The following EXT2 variants were observed in gnomAD, a reference collection of about 807,000 sequenced individuals.
EXT2 encodes exostosin glycosyltransferase 2.
A neutral mutation model predicts 81.6 loss-of-function variants in EXT2; 53 were observed. That is an observed-to-expected ratio of 0.65 (90% CI 0.52 to 0.82). The LOEUF is 0.82. EXT2 is among the 40% of genes least tolerant of loss of function. The pLI, the probability that EXT2 is intolerant of heterozygous loss-of-function variation, is 0.00. For missense variants in EXT2, 774 were observed against 910.2 expected (o/e 0.85, Z 1.93); for synonymous variants, 320 against 340.0 (o/e 0.94, Z 0.65).
chr11:44,234,053 T>C, intron 11 of EXT2, 62 bp from the exon 12 acceptor site: 1 of 1,611,944 alleles, frequency 6.2e-7, no homozygotes, highest in Non-Finnish European at 8.5e-7. Flanking sequence ...TGCTGCCCCT[T>C]ATTTATCAGC....
chr11:44,125,015 C>T (rs1318213440), intron 5 of EXT2, 31 bp downstream of exon 5: 1 of 1,606,134 alleles, frequency 6.2e-7, no homozygotes, highest in Non-Finnish European at 8.5e-7. Context: ...CTCGCAAAGG[C>T]TCAGGAGAGT....
chr11:44,124,956 A>G lies in EXT2; in HGVS notation c.911A>G (p.Gln304Arg). The change falls in exon 5 of 14, where the codon CAG becomes CGG. Residue 304 changes from glutamine to arginine, a missense_variant. Gln to Arg is a conservative substitution (Grantham distance 43). Transcript: ENST00000533608. ...LSVRKRCHKH[Q>R]VFDYPQVLQE... is the part of the protein sequence containing the mutation. ...GTCCGTAAGCGCTGCCACAAGCACC[A>G]GGTCTTCGATTACCCACAGGTGCTA... 1 of 1,613,430 alleles carries G rather than the reference A, an allele frequency of 6.2e-7. No individual in the cohort carries two copies. The highest frequency in any genetic ancestry group is 8.5e-7 in the Non-Finnish European group (1 of 1,180,024).
intron 2 of EXT2, 136 bp downstream of exon 2, chr11:44,108,384 G>A: frequency 1.1e-6 from 1 of 951,142 alleles, no homozygotes; most frequent in South Asian, 1.4e-5. Context: ...GACGGGGTGT[G>A]TTGGAGGGAC....
At chr11:44,236,779 A>G (rs1248155006) in intron 13 of EXT2, among the ~76,000 whole-genome samples, 3 of 152,176 alleles carry the variant, frequency 2.0e-5, no homozygotes, top group Non-Finnish European at 4.4e-5. Flanking sequence ...ACCAGAGACA[A>G]ATTACCTTTG....
Position 44,245,705 on chromosome 11 carries a change from A to G in EXT2, c.*1418A>G, listed in dbSNP as rs1383891082. ...AGTGACATGAAGGTGGGCAGTTATT[A>G]TGCTGTAGTTTCATCAAGAGTCACT... On this transcript the variant is annotated 3_prime_UTR_variant, in exon 14 of 14. Coordinates refer to ENST00000533608, the MANE Select transcript of EXT2 (RefSeq NM_207122.2). Among the ~76,000 whole-genome samples the G allele has an allele frequency of 6.6e-6, 1 of 152,250 alleles. No individual in the cohort carries two copies. The highest frequency in any genetic ancestry group is 1.5e-5 in the Non-Finnish European group (1 of 68,040).
chr11:44,174,746 T>C (rs77972884), intron 8 of EXT2, among the ~76,000 whole-genome samples: 154 of 152,334 alleles, frequency 1.0e-3, no homozygotes, highest in Non-Finnish European at 1.7e-3. Flanking sequence ...TGGCTAGTAC[T>C]TCCAGAACAA....
At chr11:44,143,919 G>A (rs981542205) in intron 7 of EXT2, among the ~76,000 whole-genome samples, 1 of 152,264 alleles carries the variant, frequency 6.6e-6, no homozygotes, top group South Asian at 2.1e-4. Context: ...AGAACGTCAC[G>A]CTAACATGGC....
chr11:44,121,513 T>C (rs1954315820), intron 4 of EXT2, among the ~76,000 whole-genome samples: 2 of 152,084 alleles, frequency 1.3e-5, no homozygotes, highest in South Asian at 4.1e-4. Flanking sequence ...TGGCTCTCTT[T>C]ATCCTCAACA....
chr11:44,129,810 G>A (rs1237023817), intron 6 of EXT2, among the ~76,000 whole-genome samples: 11 of 152,134 alleles, frequency 7.2e-5, no homozygotes, highest in Non-Finnish European at 5.9e-5. Flanking sequence ...GAGGCAGGGT[G>A]AAAGATTAAT....
At chr11:44,131,862 C>T (rs950923683) in intron 7 of EXT2, among the ~76,000 whole-genome samples, 10 of 152,144 alleles carry the variant, frequency 6.6e-5, no homozygotes, top group South Asian at 6.2e-4. Flanking sequence ...CTTAGCCTCC[C>T]GAGTAGCTGG....
At chr11:44,206,525 G>A (rs542784239) in intron 9 of EXT2, among the ~76,000 whole-genome samples, 1 of 152,112 alleles carries the variant, frequency 6.6e-6, no homozygotes, top group Non-Finnish European at 1.5e-5. Context: ...AGAATTAGTA[G>A]TGTTACAAGG....
intron 2 of EXT2, 38 bp downstream of exon 2, chr11:44,108,286 C>G (rs952131814): frequency 1.9e-6 from 3 of 1,598,004 alleles, no homozygotes; most frequent in Admixed American, 1.7e-5. Flanking sequence ...CCAGGAGATA[C>G]TTGAGTGGCC....
At chr11:44,241,740 G>T (rs1590673878) in intron 13 of EXT2, among the ~76,000 whole-genome samples, 1 of 152,346 alleles carries the variant, frequency 6.6e-6, no homozygotes, top group Middle Eastern at 3.4e-3. Flanking sequence ...CAACACAGGA[G>T]AATGGTTACT....
chr11:44,185,522 G>T (rs1955299059), intron 8 of EXT2, among the ~76,000 whole-genome samples: 1 of 151,966 alleles, frequency 6.6e-6, no homozygotes, highest in Admixed American at 6.5e-5. Flanking sequence ...GTGGGTTCAT[G>T]CCTTTTTTTC....
chr11:44,160,192 T>G, intron 7 of EXT2, among the ~76,000 whole-genome samples: 1 of 152,194 alleles, frequency 6.6e-6, no homozygotes, highest in Non-Finnish European at 1.5e-5. Flanking sequence ...GTTTTTAAAC[T>G]CTCAGACTTG....
intron 10 of EXT2, among the ~76,000 whole-genome samples, chr11:44,207,380 G>C (rs959343473): frequency 6.6e-6 from 1 of 152,244 alleles, no homozygotes; most frequent in African/African-American, 2.4e-5. Context: ...CTTTCTTTCT[G>C]AGTTTTAAGT....
intron 1 of EXT2, among the ~76,000 whole-genome samples, chr11:44,096,480 C>A (rs780312380): frequency 4.0e-5 from 6 of 151,294 alleles, no homozygotes; most frequent in Admixed American, 6.6e-5. Flanking sequence ...TGGCTGGGGG[C>A]GTGTTAGGCA....
rs1954374352 is a variant in EXT2, at chr11:44,124,831, T to C, written c.786T>C (p.His262=). 5 of 1,614,100 alleles carry C rather than the reference T, an allele frequency of 3.1e-6. No individual in the cohort carries two copies. The East Asian group carries it at 1.1e-4, about 36-fold the overall frequency. The change falls in exon 5 of 14, where the codon CAT becomes CAC. Residue 262 remains histidine, a synonymous_variant. Transcript: ENST00000533608. ...YFLLSSQVGL[H]PEYREDLEAL... ...TCCTGTCATCTCAGGTGGGTCTCCATCCTGAGTACAGAGAGGACCTAGAAG... is the reference window on the plus strand; with the variant it reads ...TCCTGTCATCTCAGGTGGGTCTCCACCCTGAGTACAGAGAGGACCTAGAAG...
chr11:44,212,318 A>G (rs866640678), intron 10 of EXT2, among the ~76,000 whole-genome samples: 1 of 136,808 alleles, frequency 7.3e-6, no homozygotes, highest in African/African-American at 2.6e-5. Context: ...TAAATAAATA[A>G]ATAAATAAAT....
Sources: allele counts gnomAD v4.1 joint callset (sites outside exome capture counted in the v4.1 genomes callset), GRCh38; gene constraint gnomAD v4.1.1; transcripts MANE v1.5; gene names NCBI Gene and HGNC (gene_info 2026-07-23, HGNC 2026-07-21).